Variants in KLF12 observed in about 807,000 individuals in gnomAD.
KLF12 encodes KLF transcription factor 12, also known as Krueppel-like factor 12.
Under a neutral mutation model 37.8 loss-of-function variants are expected in KLF12, and 9 were observed. That is an observed-to-expected ratio of 0.24 (90% confidence interval 0.14 to 0.42). The LOEUF (loss-of-function observed/expected upper bound fraction) is 0.42, where lower values mean the gene tolerates loss of function less well. Among genes scored for constraint, KLF12 ranks in the 10% least tolerant of loss-of-function variants. The pLI is 1.00. For synonymous variants in KLF12, 208 were observed against 202.1 expected (o/e 1.03, Z -0.25); for missense variants, 411 against 516.0 (o/e 0.80, Z 1.97).
At chr13:73,701,160 C>T (rs1470630698) in intron 7 of KLF12, among the ~76,000 whole-genome samples, 1 of 152,120 alleles carries the variant, frequency 6.6e-6, no homozygotes, top group Non-Finnish European at 1.5e-5. Flanking sequence ...AAAGAGTTGG[C>T]TGGGACAATA....
chr13:73,866,310 G>A (rs1409022059), intron 3 of KLF12, among the ~76,000 whole-genome samples: 2 of 152,132 alleles, frequency 1.3e-5, no homozygotes, highest in Non-Finnish European at 2.9e-5. Flanking sequence ...GGTATTACAT[G>A]TGTGTAATTG....
At chr13:73,898,898 G>A (rs1887911188) in intron 3 of KLF12, among the ~76,000 whole-genome samples, 1 of 152,222 alleles carries the variant, frequency 6.6e-6, no homozygotes, top group Non-Finnish European at 1.5e-5. Context: ...GCATTACAAT[G>A]GTGTGAGAGT....
At chr13:73,858,596 T>G (rs537953067) in intron 3 of KLF12, among the ~76,000 whole-genome samples, 1 of 152,316 alleles carries the variant, frequency 6.6e-6, no homozygotes, top group South Asian at 2.1e-4. Context: ...AAGCTTTCCA[T>G]CAGTAACTAT....
At chr13:74,276,273 T>G in the KLF12 span, among the ~76,000 whole-genome samples, 1 of 152,060 alleles carries the variant, frequency 6.6e-6, no homozygotes, top group Non-Finnish European at 1.5e-5. Flanking sequence ...ATGATATGCC[T>G]GGCTAATTTC....
the KLF12 span, among the ~76,000 whole-genome samples, chr13:74,276,697 A>G: frequency 6.6e-6 from 1 of 152,210 alleles, no homozygotes; most frequent in Non-Finnish European, 1.5e-5. Context: ...GATACAGGAC[A>G]GGCAACTCTT....
chr13:74,243,560 C>A, the KLF12 span, among the ~76,000 whole-genome samples: 1 of 152,176 alleles, frequency 6.6e-6, no homozygotes, highest in Admixed American at 6.5e-5. Flanking sequence ...AGCTAATTTA[C>A]ACTCTCCCCA....
the KLF12 span, among the ~76,000 whole-genome samples, chr13:74,273,331 A>G: frequency 0.021 from 3,208 of 152,162 alleles, 126 homozygotes; most frequent in African/African-American, 0.074. Context: ...TAAGCAATTT[A>G]TATTCTTTTC....
intron 1 of KLF12, among the ~76,000 whole-genome samples, chr13:74,089,809 A>G (rs1283846842): frequency 6.6e-6 from 1 of 150,788 alleles, no homozygotes; most frequent in African/African-American, 2.4e-5. Context: ...GGGGGAAAAA[A>G]AAAAAAAAAA....
At chr13:74,210,887 G>A in the KLF12 span, among the ~76,000 whole-genome samples, 7 of 152,102 alleles carry the variant, frequency 4.6e-5, no homozygotes, top group East Asian at 3.9e-4. Context: ...ACAGGCATTC[G>A]TAGCCTATTT....
intron 2 of KLF12, among the ~76,000 whole-genome samples, chr13:73,972,926 C>G (rs979877716): frequency 6.6e-6 from 1 of 151,868 alleles, no homozygotes; most frequent in Admixed American, 6.6e-5. Context: ...GCATATGTAT[C>G]TATCGTATAA....
intron 3 of KLF12, among the ~76,000 whole-genome samples, chr13:73,870,329 A>T (rs1886402516): frequency 6.6e-6 from 1 of 152,230 alleles, no homozygotes; most frequent in Admixed American, 6.5e-5. Flanking sequence ...ATGCTGCAAT[A>T]ACATTTTACT....
At chr13:73,872,010 T>C (rs1463804716) in intron 3 of KLF12, among the ~76,000 whole-genome samples, 1 of 152,220 alleles carries the variant, frequency 6.6e-6, no homozygotes, top group South Asian at 2.1e-4. Flanking sequence ...GAAGTGATCA[T>C]ATTAAGGCTT....
chr13:73,954,629 G>A (rs183002099), intron 2 of KLF12, among the ~76,000 whole-genome samples: 71 of 152,306 alleles, frequency 4.7e-4, no homozygotes, highest in Non-Finnish European at 9.3e-4. Context: ...CACCTAACAA[G>A]AATGGCCATG....
chr13:74,268,037 G>T, the KLF12 span, among the ~76,000 whole-genome samples: 5 of 152,094 alleles, frequency 3.3e-5, no homozygotes, highest in East Asian at 1.9e-4. Context: ...GAGGAACAAG[G>T]TCCTACTGAT....
chr13:74,099,787 T>C (rs17221707), intron 1 of KLF12, among the ~76,000 whole-genome samples: 23,412 of 152,214 alleles, frequency 0.15, 2,067 homozygotes, highest in Middle Eastern at 0.2. Flanking sequence ...TCCACTTCTG[T>C]AGTATACCTA....
chr13:73,841,520 G>A (rs570896752), intron 4 of KLF12, among the ~76,000 whole-genome samples: 1 of 152,248 alleles, frequency 6.6e-6, no homozygotes, highest in South Asian at 2.1e-4. Context: ...GGGCAAGCTT[G>A]CTCAATGCTT....
chr13:74,094,389 TC>T (rs10714915), intron 1 of KLF12, among the ~76,000 whole-genome samples: 7,061 of 152,158 alleles, frequency 0.046, 536 homozygotes, highest in African/African-American at 0.16. Flanking sequence ...ATAATGGACT[TC>T]CATAGCACTG....
At chr13:73,712,448 G>A (rs150877536) in intron 7 of KLF12, among the ~76,000 whole-genome samples, 55 of 151,816 alleles carry the variant, frequency 3.6e-4, no homozygotes, top group Non-Finnish European at 6.0e-4. Context: ...TTACGGATGC[G>A]CAAAAAAAGT....
chr13:74,145,149 C>A, the KLF12 span, among the ~76,000 whole-genome samples: 1 of 152,104 alleles, frequency 6.6e-6, no homozygotes, highest in Non-Finnish European at 1.5e-5. Flanking sequence ...TACTGTCCTG[C>A]TGACCACATA....
Sources: allele counts gnomAD v4.1 joint callset (sites outside exome capture counted in the v4.1 genomes callset), GRCh38; gene constraint gnomAD v4.1.1; transcripts MANE v1.5; gene names NCBI Gene and HGNC (gene_info 2026-07-23, HGNC 2026-07-21).